Variants in PLCXD2 observed in about 807,000 individuals in gnomAD.
The protein encoded by PLCXD2 is PI-PLC X domain-containing protein 2.
Under a neutral mutation model 28.6 loss-of-function variants are expected in PLCXD2, and 21 were observed. The observed-to-expected ratio is 0.73, with a 90% confidence interval of 0.52 to 1.06. The LOEUF (loss-of-function observed/expected upper bound fraction) is 1.06, where lower values mean the gene tolerates loss of function less well. Ranked by LOEUF, PLCXD2 falls within the 50% of genes least tolerant of loss-of-function variation. The pLI, the probability that PLCXD2 is intolerant of heterozygous loss-of-function variation, is 0.00. For synonymous variants in PLCXD2, 140 were observed against 150.1 expected (o/e 0.93, Z 0.49); for missense variants, 369 against 376.7 (o/e 0.98, Z 0.17).
chr3:111,720,277 C>T (rs1035108103), intron 3 of PLCXD2, among the ~76,000 whole-genome samples: 4 of 152,082 alleles, frequency 2.6e-5, no homozygotes, highest in South Asian at 2.1e-4. Flanking sequence ...CTTGGCTCAC[C>T]GCAGCCTCAA....
Position 111,707,227 on chromosome 3 carries a change from T to C in PLCXD2, c.164-699T>C, listed in dbSNP as rs549167031. Among the ~76,000 whole-genome samples the C allele has an allele frequency of 4.6e-5, 7 of 152,330 alleles. No individual in the cohort carries two copies. The South Asian group carries it at 1.4e-3, about 32-fold the overall frequency. ...TATTAACTAAACTGTGTTGAGCCCATCGAAATGGTTAGCTGATCTGTCAAT... is the reference window on the plus strand; with the variant it reads ...TATTAACTAAACTGTGTTGAGCCCACCGAAATGGTTAGCTGATCTGTCAAT... On this transcript the variant is annotated intron_variant, in intron 1 of 4. Coordinates refer to ENST00000477665, the MANE Select transcript of PLCXD2 (RefSeq NM_001185106.1).
chr3:111,700,779 T>C (rs1302203222), intron 1 of PLCXD2, among the ~76,000 whole-genome samples: 7 of 152,110 alleles, frequency 4.6e-5, no homozygotes, highest in African/African-American at 1.7e-4. Context: ...AAGTGGATGA[T>C]CTTGGATATA....
chr3:111,708,395 G>C lies in PLCXD2; in HGVS notation c.624+9G>C, dbSNP rs183121832. The C allele has an allele frequency of 1.9e-4, 298 of 1,608,496 alleles. 1 individual carries two copies. The African/African-American group carries it at 3.7e-3, about 20-fold the overall frequency. ...GGGAGAAGAACTGCCAGGTAGGAGG[G>C]AAGGAGAGATAAGCTTCCAAGAGCA... On this transcript the variant is annotated intron_variant, in intron 2 of 4. Coordinates refer to ENST00000477665, the MANE Select transcript of PLCXD2 (RefSeq NM_001185106.1).
At position 111,699,524 on chromosome 3, in the gene PLCXD2, A is replaced by G. The variant is rs547714078; in HGVS notation, c.164-8402A>G. On this transcript the variant is annotated intron_variant, in intron 1 of 4. Transcript: ENST00000477665. ...AAGCAGTAATTTGTGTTCCAGATAAAGAGCAAACTGATTGTGCCTGGTCTT... is the reference window on the plus strand; with the variant it reads ...AAGCAGTAATTTGTGTTCCAGATAAGGAGCAAACTGATTGTGCCTGGTCTT... Among the ~76,000 whole-genome samples, 745 of 152,286 alleles carry G rather than the reference A, an allele frequency of 4.9e-3. 7 individuals are homozygous for G. The highest frequency in any genetic ancestry group is 0.016 in the African/African-American group (668 of 41,556).
intron 1 of PLCXD2, among the ~76,000 whole-genome samples, chr3:111,701,942 A>G (rs1433110547): frequency 6.6e-6 from 1 of 152,050 alleles, no homozygotes; most frequent in African/African-American, 2.4e-5. Context: ...AGACTTTGAA[A>G]ATACGCACTT....
chr3:111,715,784 C>T (rs1182018708), intron 3 of PLCXD2, among the ~76,000 whole-genome samples: 1 of 152,144 alleles, frequency 6.6e-6, no homozygotes, highest in African/African-American at 2.4e-5. Flanking sequence ...AGACCACTGC[C>T]CTTTTCAGCG....
At chr3:111,702,412 C>T (rs1340154456) in intron 1 of PLCXD2, among the ~76,000 whole-genome samples, 1 of 152,060 alleles carries the variant, frequency 6.6e-6, no homozygotes, top group Non-Finnish European at 1.5e-5. Flanking sequence ...CCTACACTTT[C>T]AAGAATTTGA....
At chr3:111,724,466 A>G (rs536690554) in intron 3 of PLCXD2, 6 of 152,190 alleles carry the variant, frequency 3.9e-5, no homozygotes, top group Admixed American at 6.5e-5. Flanking sequence ...CTTCTCAATA[A>G]GACAACGTAG....
intron 1 of PLCXD2, among the ~76,000 whole-genome samples, chr3:111,689,763 A>G (rs62275508): frequency 1.2e-3 from 179 of 152,364 alleles, no homozygotes; most frequent in Non-Finnish European, 2.1e-3. Flanking sequence ...CATAAAAAAC[A>G]GATATTTAAA....
chr3:111,685,428 G>C (rs1940780775), intron 1 of PLCXD2, among the ~76,000 whole-genome samples: 1 of 152,116 alleles, frequency 6.6e-6, no homozygotes, highest in Non-Finnish European at 1.5e-5. Context: ...CCATAAACCA[G>C]CTGTGAAATG....
chr3:111,715,304 C>T (rs1278270579), intron 3 of PLCXD2, among the ~76,000 whole-genome samples: 1 of 152,206 alleles, frequency 6.6e-6, no homozygotes, highest in Non-Finnish European at 1.5e-5. Flanking sequence ...TGTATCCACA[C>T]TGTTTTCCTC....
At chr3:111,697,676 G>T (rs1167405545) in intron 1 of PLCXD2, among the ~76,000 whole-genome samples, 1 of 152,016 alleles carries the variant, frequency 6.6e-6, no homozygotes, top group African/African-American at 2.4e-5. Context: ...GATTATATAG[G>T]CTTCTACTCT....
intron 3 of PLCXD2, chr3:111,725,430 T>C (rs1941402934): frequency 2.6e-6 from 1 of 386,654 alleles, no homozygotes; most frequent in Non-Finnish European, 4.6e-6. Flanking sequence ...GTAATTTAGG[T>C]AGAAACTTTA....
chr3:111,709,864 C>G (rs150511621), intron 2 of PLCXD2, among the ~76,000 whole-genome samples: 11 of 152,304 alleles, frequency 7.2e-5, no homozygotes, highest in African/African-American at 2.2e-4. Flanking sequence ...GAGGAGAGTT[C>G]TGGCACAGGA....
At chr3:111,723,486 G>A (rs1428641610) in intron 3 of PLCXD2, 1 of 152,212 alleles carries the variant, frequency 6.6e-6, no homozygotes, top group Non-Finnish European at 1.5e-5. Context: ...AAGGTTGCAT[G>A]CACGGAGTCC....
intron 3 of PLCXD2, chr3:111,723,175 C>T (rs998216189): frequency 3.3e-5 from 5 of 151,758 alleles, no homozygotes; most frequent in African/African-American, 1.2e-4. Flanking sequence ...CACTTTTTAC[C>T]CTTTGTTACT....
At chr3:111,721,729 G>GA (rs1941348413) in intron 3 of PLCXD2, 2 of 152,344 alleles carry the variant, frequency 1.3e-5, no homozygotes, top group South Asian at 4.1e-4. Flanking sequence ...GCCAGGTAGA[G>GA]CACCTGCATC....
At chr3:111,702,183 AG>A (rs1941053359) in intron 1 of PLCXD2, among the ~76,000 whole-genome samples, 1 of 152,192 alleles carries the variant, frequency 6.6e-6, no homozygotes, top group Non-Finnish European at 1.5e-5. Context: ...GAGTCAAAAA[AG>A]CAGACAGAAG....
intron 1 of PLCXD2, among the ~76,000 whole-genome samples, chr3:111,692,727 C>T (rs1377653439): frequency 6.6e-6 from 1 of 152,224 alleles, no homozygotes; most frequent in African/African-American, 2.4e-5. Context: ...TTGATGTTAA[C>T]TTCCTTCAAC....
Sources: allele counts gnomAD v4.1 joint callset (sites outside exome capture counted in the v4.1 genomes callset), GRCh38; gene constraint gnomAD v4.1.1; transcripts MANE v1.5; gene names NCBI Gene and HGNC (gene_info 2026-07-23, HGNC 2026-07-21).